The following RANBP2 variants were observed in gnomAD, a reference collection of about 807,000 sequenced individuals.
RANBP2 encodes RAN binding protein 2, also known as E3 SUMO-protein ligase RanBP2.
In RANBP2, 57 loss-of-function variants were observed where a neutral mutation model predicts 303.6. The observed-to-expected ratio is 0.19, with a 90% confidence interval of 0.15 to 0.23. The LOEUF is 0.23. RANBP2 is among the 10% of genes least tolerant of loss of function. RANBP2 has a pLI of 1.00. For synonymous variants in RANBP2, 1,167 were observed against 1,301.5 expected (o/e 0.90, Z 2.23); for missense variants, 3,138 against 3,780.8 (o/e 0.83, Z 4.46).
chr2:109,574,679 G>A, the RANBP2 span: 25 of 1,610,088 alleles, frequency 1.6e-5, no homozygotes, highest in South Asian at 1.3e-4. Context: ...CGAGAATCAT[G>A]GTAGGTAAAG....
chr2:109,699,967 G>A, the RANBP2 span, among the ~76,000 whole-genome samples: 1 of 152,204 alleles, frequency 6.6e-6, no homozygotes, highest in African/African-American at 2.4e-5. Context: ...TGCACTGCCT[G>A]TTGCTCAGTC....
chr2:108,751,738 G>A (rs1354299158), intron 11 of RANBP2, 35 bp downstream of exon 11: 7 of 1,611,532 alleles, frequency 4.3e-6, no homozygotes, highest in South Asian at 3.3e-5. Flanking sequence ...CTTTCACTTA[G>A]TGCGTAGGTT....
the RANBP2 span, among the ~76,000 whole-genome samples, chr2:109,327,804 T>C: frequency 6.6e-6 from 1 of 152,378 alleles, no homozygotes; most frequent in African/African-American, 2.4e-5. Context: ...AGTTGACTTT[T>C]ACATATACAT....
chr2:109,507,057 C>G, the RANBP2 span, among the ~76,000 whole-genome samples: 2 of 152,178 alleles, frequency 1.3e-5, no homozygotes, highest in African/African-American at 4.8e-5. Flanking sequence ...TGGAGACTGT[C>G]CAGGAGTGGT....
chr2:109,384,024 A>G, the RANBP2 span, among the ~76,000 whole-genome samples: 28 of 152,096 alleles, frequency 1.8e-4, no homozygotes, highest in East Asian at 4.7e-3. Flanking sequence ...CATCCTTTCC[A>G]TCTCTGCTTC....
chr2:109,651,073 A>G, the RANBP2 span, among the ~76,000 whole-genome samples: 1 of 152,046 alleles, frequency 6.6e-6, no homozygotes. Flanking sequence ...TGCCAGGACC[A>G]ATTTCTCCTT....
chr2:109,656,188 C>A, the RANBP2 span, among the ~76,000 whole-genome samples: 1 of 152,114 alleles, frequency 6.6e-6, no homozygotes, highest in Non-Finnish European at 1.5e-5. Context: ...CATGCCAATC[C>A]CCCTTATCCC....
At chr2:109,438,389 T>G in the RANBP2 span, among the ~76,000 whole-genome samples, 13,058 of 152,206 alleles carry the variant, frequency 0.086, 739 homozygotes, top group African/African-American at 0.15. Flanking sequence ...TGGGTGCAGG[T>G]GGACTTCAGG....
chr2:109,427,732 A>C, the RANBP2 span, among the ~76,000 whole-genome samples: 1 of 152,112 alleles, frequency 6.6e-6, no homozygotes, highest in Non-Finnish European at 1.5e-5. Context: ...ACCTGGGAGA[A>C]CCCCATCTCA....
At chr2:109,291,289 T>C in the RANBP2 span, among the ~76,000 whole-genome samples, 1 of 152,080 alleles carries the variant, frequency 6.6e-6, no homozygotes, top group African/African-American at 2.4e-5. Flanking sequence ...TCTTTTTTTT[T>C]TTTTTTTTGC....
chr2:109,442,135 C>T, the RANBP2 span, among the ~76,000 whole-genome samples: 1 of 151,888 alleles, frequency 6.6e-6, no homozygotes, highest in Non-Finnish European at 1.5e-5. Context: ...CACAGTGAAA[C>T]CCCGTCTCTA....
the RANBP2 span, among the ~76,000 whole-genome samples, chr2:108,983,019 C>T: frequency 6.6e-6 from 1 of 152,148 alleles, no homozygotes; most frequent in Admixed American, 6.5e-5. Context: ...GATTTTATTG[C>T]CCATAAAGAA....
At chr2:109,357,498 C>A in the RANBP2 span, among the ~76,000 whole-genome samples, 1 of 152,168 alleles carries the variant, frequency 6.6e-6, no homozygotes, top group East Asian at 1.9e-4. Context: ...TATATTCTTA[C>A]CTAGTGATGA....
the RANBP2 span, among the ~76,000 whole-genome samples, chr2:108,881,875 GGCTCACT>G: frequency 5.3e-5 from 8 of 152,148 alleles, no homozygotes; most frequent in African/African-American, 1.9e-4. Flanking sequence ...CAGGCACGAT[GGCTCACT>G]CTTGTAACCC....
At chr2:108,928,213 C>T in the RANBP2 span, among the ~76,000 whole-genome samples, 4 of 152,192 alleles carry the variant, frequency 2.6e-5, no homozygotes, top group Non-Finnish European at 2.9e-5. Context: ...CACTGCCCAG[C>T]TGCTCAGCCC....
chr2:109,121,125 G>A, the RANBP2 span, among the ~76,000 whole-genome samples: 5 of 152,150 alleles, frequency 3.3e-5, no homozygotes, highest in African/African-American at 7.2e-5. Context: ...GCAGGCGCCT[G>A]TAGTCCCAGC....
chr2:109,472,396 C>T, the RANBP2 span, among the ~76,000 whole-genome samples: 2 of 152,046 alleles, frequency 1.3e-5, no homozygotes, highest in Non-Finnish European at 2.9e-5. Context: ...CCTTAAGAAG[C>T]ACAGAAAGAG....
the RANBP2 span, among the ~76,000 whole-genome samples, chr2:109,252,038 G>C: frequency 3.3e-5 from 5 of 152,250 alleles, no homozygotes; most frequent in African/African-American, 1.2e-4. Flanking sequence ...CTTGAGCTAA[G>C]GAGTTAGAGA....
At chr2:109,578,698 CGGTGGTTACA>C in the RANBP2 span, among the ~76,000 whole-genome samples, 1 of 151,562 alleles carries the variant, frequency 6.6e-6, no homozygotes, top group Admixed American at 6.6e-5. Flanking sequence ...ACCTGGGAGG[CGGTGGTTACA>C]GTGAACCGAG....
Sources: allele counts gnomAD v4.1 joint callset (sites outside exome capture counted in the v4.1 genomes callset), GRCh38; gene constraint gnomAD v4.1.1; transcripts MANE v1.5; gene names NCBI Gene and HGNC (gene_info 2026-07-23, HGNC 2026-07-21).